Variants in LIN28A observed in about 807,000 individuals in gnomAD.
LIN28A encodes protein lin-28 homolog A.
In LIN28A, 11 loss-of-function variants were observed where a neutral mutation model predicts 21.1. The ratio of observed to expected loss-of-function variants is 0.52; its 90% CI spans 0.33 to 0.86. The LOEUF (loss-of-function observed/expected upper bound fraction) is 0.86. LIN28A is among the 40% of genes least tolerant of loss of function. The pLI is 0.03. For missense variants in LIN28A, 219 were observed against 279.8 expected (o/e 0.78, Z 1.55); for synonymous variants, 111 against 108.7 (o/e 1.02, Z -0.13).
At chr1:26,418,503 G>A (rs149361804) in intron 2 of LIN28A, among the ~76,000 whole-genome samples, 8,211 of 151,092 alleles carry the variant, frequency 0.054, 332 homozygotes, top group East Asian at 0.19. Flanking sequence ...CCGAGATTGT[G>A]CCACTGCACT....
At chr1:26,419,526 TC>T (rs1325790555) in intron 2 of LIN28A, among the ~76,000 whole-genome samples, 1 of 152,158 alleles carries the variant, frequency 6.6e-6, no homozygotes, top group Non-Finnish European at 1.5e-5. Flanking sequence ...CTTCTAAGTT[TC>T]TATAGCTAGT....
In LIN28A at chr1:26,426,408, G is replaced by C; in HGVS notation, c.580G>C (p.Glu194Gln). 1 of 1,613,750 alleles carries C rather than the reference G, an allele frequency of 6.2e-7. No individual in the cohort carries two copies. The highest frequency in any genetic ancestry group is 1.7e-5 in the Admixed American group (1 of 60,002). ...GGGAAAGCCAACCTACTTTCGAGAG[G>C]AAGAAGAAGAAATCCACAGCCCTAC... ...AQGKPTYFRE[E>Q]EEEIHSPTLL... Residue 194 changes from glutamate (E) to glutamine (Q), a missense_variant, in exon 4 of 4, where the codon GAA (glutamate) becomes CAA (glutamine). Physicochemically the swap from Glu to Gln is conservative, Grantham distance 29. Around this residue, in one of 3 missense-constraint regions of LIN28A, gnomAD observed 45 missense variants for 37.7 expected, o/e 1.19. Transcript: ENST00000326279.
chr1:26,424,329 C>T (rs916558829), intron 2 of LIN28A, among the ~76,000 whole-genome samples: 1 of 152,114 alleles, frequency 6.6e-6, no homozygotes, highest in African/African-American at 2.4e-5. Flanking sequence ...GAAACCTCTG[C>T]CTCCGGGGTT....
At chr1:26,419,003 CTT>C (rs1049578559) in intron 2 of LIN28A, among the ~76,000 whole-genome samples, 6 of 151,860 alleles carry the variant, frequency 4.0e-5, no homozygotes, top group Non-Finnish European at 7.4e-5. Flanking sequence ...AGTGTCAACT[CTT>C]TGTTTCCTGG....
rs1403114327 is a variant in LIN28A at position 26,428,111 on chromosome 1, GT to G, written c.*1656del. 6.6e-6 allele frequency: 1 copy of G among 152,638 alleles called. No individual in the cohort carries two copies. Among genetic ancestry groups the G allele is most frequent in the Non-Finnish European group, 1.5e-5 (1 of 68,040 alleles). 9.5% of individuals were successfully genotyped at this position (152,638 alleles called of 1,614,324 possible). ...ACTACGTTGATTGCTAGGTGGCCTA[GT>G]TTGTGTAAATATAATGTATTGGTCT... is the stretch of plus-strand genomic sequence containing the variant. On this transcript the variant is annotated 3_prime_UTR_variant, in exon 4 of 4. Transcript: ENST00000326279.
rs2075065455 is a variant in LIN28A, at chr1:26,427,267, TAGCC to T, written c.*813_*816del. The T allele has an allele frequency of 6.5e-6, 1 of 152,736 alleles. No individual in the cohort carries two copies. The highest frequency in any genetic ancestry group is 2.4e-5 in the African/African-American group (1 of 41,482). 9.5% of individuals were successfully genotyped at this position (152,736 alleles called of 1,614,324 possible). The stretch of plus-strand genomic sequence containing the variant: ...TCAGGTACATGAGCAATCTCAGGGA[TAGCC>T]AGCAGCAGCTCCAGGTCTGCGCAGC... On this transcript the variant is annotated 3_prime_UTR_variant, in exon 4 of 4. Transcript: ENST00000326279.
intron 2 of LIN28A, among the ~76,000 whole-genome samples, chr1:26,424,386 C>T (rs551761975): frequency 4.0e-5 from 6 of 151,692 alleles, no homozygotes; most frequent in African/African-American, 1.2e-4. Context: ...GGATTACAGG[C>T]GCCCACCACC....
chr1:26,411,901 C>T lies in LIN28A; in HGVS notation c.228+319C>T, dbSNP rs1297274004. Among the ~76,000 whole-genome samples the T allele has an allele frequency of 6.6e-6, 1 of 152,096 alleles. No individual in the cohort carries two copies. The highest frequency in any genetic ancestry group is 1.5e-5 in the Non-Finnish European group (1 of 68,006). ...TGGCAGAAACTAAGGTTGTATTGTG[C>T]TTGCCGGTGGGGGGAGGGCGAGCAG... On this transcript the variant is annotated intron_variant, in intron 2 of 3. Transcript: ENST00000326279. This position sits in a 1 kb window ranked among gnomAD's most constrained non-coding sequence, Gnocchi z 5.4.
chr1:26,425,193 AAT>A, intron 2 of LIN28A, 108 bp from the exon 3 acceptor site: 2 of 1,058,856 alleles, frequency 1.9e-6, no homozygotes, highest in Non-Finnish European at 2.7e-6. Flanking sequence ...TTACCAGTAA[AAT>A]AGGAGTACCA....
chr1:26,424,831 T>C (rs2075049093), intron 2 of LIN28A, among the ~76,000 whole-genome samples: 1 of 152,104 alleles, frequency 6.6e-6, no homozygotes, highest in Admixed American at 6.6e-5. Flanking sequence ...AACCTTTGCT[T>C]CCTGGGTTCA....
rs1165226512 is a variant in LIN28A, at chr1:26,428,227, C to T, written c.*1769C>T. 6.6e-6 allele frequency: 1 copy of T among 152,650 alleles called. No homozygotes were observed. Among genetic ancestry groups the T allele is most frequent in the Non-Finnish European group, 1.5e-5 (1 of 68,044 alleles). The allele number at this position is 152,650 out of a possible 1,614,324, so 9.5% of individuals were successfully genotyped here. The stretch of plus-strand genomic sequence containing the variant: ...AGCATCTTTGACAGAAGGTTCTGCA[C>T]CAGGCAAAAAGATCTGAAACATTAG... On this transcript the variant is annotated 3_prime_UTR_variant, in exon 4 of 4. Coordinates refer to ENST00000326279, the MANE Select transcript of LIN28A (RefSeq NM_024674.6).
At chr1:26,418,960 G>A (rs1294199272) in intron 2 of LIN28A, among the ~76,000 whole-genome samples, 1 of 152,048 alleles carries the variant, frequency 6.6e-6, no homozygotes, top group Non-Finnish European at 1.5e-5. Flanking sequence ...TCTGCTCCTT[G>A]GAACTCCAGG....
chr1:26,423,434 T>TTTG (rs1553178067), intron 2 of LIN28A, among the ~76,000 whole-genome samples: 25 of 127,226 alleles, frequency 2.0e-4, no homozygotes, highest in African/African-American at 7.0e-4. Flanking sequence ...TTTTTTTTTT[T>TTTG]TTGTTGTTGT....
intron 2 of LIN28A, among the ~76,000 whole-genome samples, chr1:26,422,104 G>C (rs2075031734): frequency 6.6e-6 from 1 of 151,678 alleles, no homozygotes; most frequent in African/African-American, 2.4e-5. Flanking sequence ...TGCCTCCTGG[G>C]CTCAAGGGAT....
intron 2 of LIN28A, among the ~76,000 whole-genome samples, chr1:26,416,973 A>G (rs974962794): frequency 2.0e-5 from 3 of 151,452 alleles, no homozygotes; most frequent in South Asian, 2.1e-4. Flanking sequence ...GCAGTAGAAT[A>G]TAAGAACTGA....
In LIN28A at chr1:26,411,906, C is replaced by G. The variant is rs1346157855; in HGVS notation, c.228+324C>G. 6.6e-6 allele frequency among the ~76,000 whole-genome samples: 1 copy of G among 152,118 alleles called. No homozygotes were observed. The highest frequency in any genetic ancestry group is 1.5e-5 in the Non-Finnish European group (1 of 68,024). On this transcript the variant is annotated intron_variant, in intron 2 of 3. Transcript: ENST00000326279. The surrounding 1 kb of genome is among the most constrained non-coding windows in gnomAD (Gnocchi z 5.4). ...GAAACTAAGGTTGTATTGTGCTTGCCGGTGGGGGGAGGGCGAGCAGGCCGG... is the reference window on the plus strand; with the variant it reads ...GAAACTAAGGTTGTATTGTGCTTGCGGGTGGGGGGAGGGCGAGCAGGCCGG...
intron 2 of LIN28A, among the ~76,000 whole-genome samples, chr1:26,415,391 G>T (rs2074987007): frequency 6.6e-6 from 1 of 152,110 alleles, no homozygotes. Context: ...TTTCCTCCTG[G>T]TTTGTAACAC....
chr1:26,423,615 T>G (rs2075041110), intron 2 of LIN28A, among the ~76,000 whole-genome samples: 1 of 150,596 alleles, frequency 6.6e-6, no homozygotes, highest in Non-Finnish European at 1.5e-5. Flanking sequence ...TTTCTCCATG[T>G]TGGTCAGGCT....
intron 2 of LIN28A, among the ~76,000 whole-genome samples, chr1:26,422,549 T>A (rs2075033984): frequency 6.6e-6 from 1 of 152,120 alleles, no homozygotes; most frequent in Non-Finnish European, 1.5e-5. Flanking sequence ...GTCCCTCAGT[T>A]TGGGTTTGTC....
Sources: gnomAD v4.1 joint callset for allele counts (sites outside exome capture counted in the v4.1 genomes callset) on GRCh38, gnomAD v4.1.1 for gene constraint, gnomAD v4.1.1 regional missense constraint, Gnocchi (gnomAD v3.1) non-coding constraint, MANE v1.5 for transcripts, NCBI Gene and HGNC (gene_info 2026-07-23, HGNC 2026-07-21) for gene names.